The following TMPRSS15 variants were observed in gnomAD, a reference collection of about 807,000 sequenced individuals.
TMPRSS15 encodes the protein enteropeptidase.
A neutral mutation model predicts 125.3 loss-of-function variants in TMPRSS15; 128 were observed. The ratio of observed to expected loss-of-function variants is 1.02; its 90% CI spans 0.89 to 1.18. The LOEUF (loss-of-function observed/expected upper bound fraction) is 1.18, where lower values mean the gene tolerates loss of function less well. TMPRSS15 is among the 50% of genes most tolerant of loss of function. TMPRSS15 has a pLI of 0.00. For synonymous variants in TMPRSS15, 446 were observed against 423.2 expected (o/e 1.05, Z -0.66); for missense variants, 1,283 against 1,212.7 (o/e 1.06, Z -0.86).
intron 1 of TMPRSS15, among the ~76,000 whole-genome samples, chr21:18,482,455 A>G (rs142790095): frequency 2.0e-5 from 3 of 151,712 alleles, no homozygotes; most frequent in African/African-American, 7.2e-5. Flanking sequence ...TCACAAATAC[A>G]CAAATGATAA....
At chr21:18,402,398 G>A (rs142667509) in intron 1 of TMPRSS15, among the ~76,000 whole-genome samples, 12 of 151,940 alleles carry the variant, frequency 7.9e-5, no homozygotes, top group Admixed American at 2.0e-4. Context: ...GCGTGATGGC[G>A]CGCACCTGTA....
chr21:18,396,234 T>C (rs985300943), intron 3 of TMPRSS15, among the ~76,000 whole-genome samples: 5 of 152,136 alleles, frequency 3.3e-5, no homozygotes, highest in Non-Finnish European at 7.3e-5. Context: ...CACCCATCTA[T>C]GGTGAAAAGC....
rs185474903 is a variant in TMPRSS15 at position 18,424,712 on chromosome 21, A to C, written c.11-26383T>G. The stretch of plus-strand genomic sequence containing the variant: ...AATGAATGCATTATTCTTTGTAAAA[A>C]AGTTATGAGCCATAAAGTAATGGTT... On this transcript the variant is annotated intron_variant, in intron 1 of 7. Transcript: ENST00000422787. Among the ~76,000 whole-genome samples the C allele has an allele frequency of 4.2e-4, 64 of 152,238 alleles. 1 individual carries two copies. The East Asian group carries it at 0.01, about 24-fold the overall frequency.
intron 1 of TMPRSS15, among the ~76,000 whole-genome samples, chr21:18,463,832 C>G (rs1978600580): frequency 1.3e-5 from 2 of 152,076 alleles, no homozygotes; most frequent in Admixed American, 1.3e-4. Context: ...AACTGAACAA[C>G]CTGCTCCTGA....
chr21:18,369,592 A>G (rs1157737363), intron 6 of TMPRSS15, among the ~76,000 whole-genome samples: 1 of 152,192 alleles, frequency 6.6e-6, no homozygotes, highest in Non-Finnish European at 1.5e-5. Context: ...TAGTATGACT[A>G]TCAATAACAC....
chr21:18,413,234 T>TTTTCTC lies in TMPRSS15; in HGVS notation c.11-14906_11-14905insGAGAAA, dbSNP rs2076170558. On this transcript the variant is annotated intron_variant, in intron 1 of 7. Transcript: ENST00000422787. ...CTCCCTTCCTCTTCCTTCCTTCCTTTTCTCTCTCTTTCTTCCTTCCTTTCT... is the reference window on the plus strand; with the variant it reads ...CTCCCTTCCTCTTCCTTCCTTCCTTTTTTCTCTCTCTCTCTTTCTTCCTTCCTTTCT... Among the ~76,000 whole-genome samples, 3 of 142,932 alleles carry TTTTCTC rather than the reference T, an allele frequency of 2.1e-5. No individual in the cohort carries two copies. The Admixed American group carries it at 2.1e-4, about 10-fold the overall frequency. 93.8% of individuals were successfully genotyped at this position (142,932 alleles called of 152,430 possible).
chr21:18,415,990 A>G (rs1199932342), intron 1 of TMPRSS15, among the ~76,000 whole-genome samples: 5 of 152,084 alleles, frequency 3.3e-5, no homozygotes, highest in Non-Finnish European at 7.4e-5. Flanking sequence ...AATCAGTTGT[A>G]TTTCAAAACA....
chr21:18,337,448 A>T (rs571526873), intron 13 of TMPRSS15, among the ~76,000 whole-genome samples: 1 of 152,356 alleles, frequency 6.6e-6, no homozygotes, highest in African/African-American at 2.4e-5. Context: ...AAATTGTTTT[A>T]AATTGGCTTG....
chr21:18,353,964 T>G (rs1039378106), intron 8 of TMPRSS15, 101 bp from the exon 9 acceptor site: 12 of 1,115,240 alleles, frequency 1.1e-5, no homozygotes, highest in Non-Finnish European at 1.6e-5. Flanking sequence ...TGTCAGTTGA[T>G]CTATACAAAT....
rs191627207 is a variant in TMPRSS15, at chr21:18,479,937, G to A, written c.10+5862C>T. On this transcript the variant is annotated intron_variant, in intron 1 of 7. Coordinates refer to the TMPRSS15 transcript ENST00000422787. Reference sequence around the variant, plus strand: ...CATTCTACTACAAAGAAACAGGCACGTGTATGTTTATTGCAGCACTGTTCA... The same window carrying A: ...CATTCTACTACAAAGAAACAGGCACATGTATGTTTATTGCAGCACTGTTCA... Among the ~76,000 whole-genome samples, 12 of 151,986 alleles carry A rather than the reference G, an allele frequency of 7.9e-5. No individual in the cohort carries two copies. In the East Asian group the frequency reaches 1.5e-3, roughly 20 times the overall value.
At chr21:18,417,436 TA>T (rs751414450) in intron 1 of TMPRSS15, among the ~76,000 whole-genome samples, 2 of 152,166 alleles carry the variant, frequency 1.3e-5, no homozygotes, top group Non-Finnish European at 2.9e-5. Context: ...GAATATGTCC[TA>T]AAACACAGTA....
intron 1 of TMPRSS15, among the ~76,000 whole-genome samples, chr21:18,470,321 A>C (rs1041205380): frequency 8.9e-6 from 1 of 112,884 alleles, no homozygotes; most frequent in African/African-American, 8.5e-5. Context: ...TACAGAAAAC[A>C]AAAAAAAAAG....
At chr21:18,328,327 T>A (rs2075312925) in intron 15 of TMPRSS15, among the ~76,000 whole-genome samples, 1 of 152,164 alleles carries the variant, frequency 6.6e-6, no homozygotes. Context: ...AAGCAGCTAG[T>A]ACTAGAGACA....
At chr21:18,450,213 C>T (rs1180594772) in intron 1 of TMPRSS15, among the ~76,000 whole-genome samples, 1 of 151,186 alleles carries the variant, frequency 6.6e-6, no homozygotes, top group Non-Finnish European at 1.5e-5. Context: ...ATTTTTATTG[C>T]TTGTGGGAAT....
intron 18 of TMPRSS15, among the ~76,000 whole-genome samples, chr21:18,303,403 G>A (rs1186224700): frequency 1.3e-5 from 2 of 151,842 alleles, no homozygotes; most frequent in African/African-American, 2.4e-5. Flanking sequence ...AAGGGAGGGA[G>A]GAAAAAGGGG....
chr21:18,365,970 G>A (rs1156747521), intron 6 of TMPRSS15, among the ~76,000 whole-genome samples: 2 of 151,634 alleles, frequency 1.3e-5, no homozygotes, highest in East Asian at 3.9e-4. Flanking sequence ...CCTGACCATA[G>A]GTGATCTGCA....
intron 1 of TMPRSS15, among the ~76,000 whole-genome samples, chr21:18,409,407 G>T (rs919377490): frequency 1.3e-5 from 2 of 151,556 alleles, no homozygotes; most frequent in Non-Finnish European, 2.9e-5. Flanking sequence ...ATCTTTTTTT[G>T]TGTTTTTGTT....
At chr21:18,319,092 AAC>A (rs1171834878) in intron 16 of TMPRSS15, among the ~76,000 whole-genome samples, 2 of 152,196 alleles carry the variant, frequency 1.3e-5, no homozygotes, top group Non-Finnish European at 2.9e-5. Context: ...GAAAAAAAGA[AAC>A]AATTTTATGA....
chr21:18,470,465 G>A (rs1338669173), intron 1 of TMPRSS15, among the ~76,000 whole-genome samples: 1 of 151,914 alleles, frequency 6.6e-6, no homozygotes, highest in Non-Finnish European at 1.5e-5. Context: ...TACCCCAACC[G>A]AAAATAAATG....
Sources: allele counts gnomAD v4.1 joint callset (sites outside exome capture counted in the v4.1 genomes callset), GRCh38; gene constraint gnomAD v4.1.1; transcripts MANE v1.5; gene names NCBI Gene and HGNC (gene_info 2026-07-23, HGNC 2026-07-21).